Variants in GJA10 observed in about 807,000 individuals in gnomAD.
The protein encoded by GJA10 is gap junction alpha-10 protein.
For missense variants in GJA10, 685 were observed against 651.9 expected (o/e 1.05, Z -0.55); for synonymous variants, 239 against 233.0 (o/e 1.03, Z -0.23).
Position 89,895,184 on chromosome 6 carries a change from T to A in GJA10, c.716T>A (p.Met239Lys). The A allele has an allele frequency of 6.2e-6, 10 of 1,614,158 alleles. No homozygotes were observed. Among genetic ancestry groups the A allele is most frequent in the Non-Finnish European group, 8.5e-6 (10 of 1,180,030 alleles). ...EIFHLGIRKI[M>K]RTLYKKSSSE... ...TTTCATCTAGGCATCAGAAAAATTA[T>A]GAGGACACTTTATAAGAAATCCAGC... The change falls in exon 1 of 1, where the codon ATG (methionine) becomes AAG (lysine). Residue 239 changes from methionine (M) to lysine (K), a missense_variant. Physicochemically the swap from Met to Lys is moderately conservative, Grantham distance 95. Coordinates refer to ENST00000369352, the MANE Select transcript of GJA10 (RefSeq NM_032602.2).
chr6:89,896,009 T>A lies in GJA10; in HGVS notation c.1541T>A (p.Val514Asp), dbSNP rs769028232. 4.4e-5 allele frequency: 71 copies of A among 1,613,468 alleles called. No homozygotes were observed. The highest frequency in any genetic ancestry group is 5.8e-5 in the Non-Finnish European group (68 of 1,179,420). Residue 514 changes from valine (V) to aspartate (D), a missense_variant, in exon 1 of 1, where the codon GTT becomes GAT. Coordinates refer to ENST00000369352, the MANE Select transcript of GJA10 (RefSeq NM_032602.2). ...PFFLPGVCMY[V>D]CVDREADGGG... is the part of the protein sequence containing the mutation. ...TTTCTTCCTGGGGTGTGTATGTATG[T>A]TTGTGTTGACAGAGAGGCAGATGGA... is the stretch of plus-strand genomic sequence containing the variant.
rs868178360 is a variant in GJA10, at chr6:89,894,552, C to T, written c.84C>T (p.Ile28=). The part of the protein sequence containing the change: ...STIVGKIWLT[I]LFIFRMLVLR... ...TAGTGGGGAAAATCTGGCTGACCAT[C>T]CTCTTCATCTTCCGAATGCTGGTAC... The change falls in exon 1 of 1, where the codon ATC becomes ATT. Residue 28 remains isoleucine, a synonymous_variant. Coordinates refer to ENST00000369352, the MANE Select transcript of GJA10 (RefSeq NM_032602.2). The T allele has an allele frequency of 6.2e-7, 1 of 1,614,212 alleles. No individual in the cohort carries two copies. Among genetic ancestry groups the T allele is most frequent in the Non-Finnish European group, 8.5e-7 (1 of 1,180,048 alleles).
chr6:89,895,182 T>G lies in GJA10; in HGVS notation c.714T>G (p.Ile238Met). 6.2e-7 allele frequency: 1 copy of G among 1,614,060 alleles called. No homozygotes were observed. The highest frequency in any genetic ancestry group is 8.5e-7 in the Non-Finnish European group (1 of 1,180,022). ...LEIFHLGIRKIMRTLYKKSSS... is the reference protein window; with the variant it reads ...LEIFHLGIRKMMRTLYKKSSS... ...TATTTCATCTAGGCATCAGAAAAAT[T>G]ATGAGGACACTTTATAAGAAATCCA... The change falls in exon 1 of 1, where the codon ATT becomes ATG. Residue 238 changes from isoleucine to methionine, a missense_variant. By Grantham distance (10) the Ile-to-Met change is conservative (BLOSUM62 1). Coordinates refer to ENST00000369352, the MANE Select transcript of GJA10 (RefSeq NM_032602.2).
rs1771727446 is a variant in GJA10, at chr6:89,895,119, CA to C, written c.652del (p.Ile218LeufsTer16). ...CAATTTTCATGCTTTTTATGCACAG[CA>C]TTGCAGCCATTTCCTTGTTACTCAA... On this transcript the variant is annotated frameshift_variant, in exon 1 of 2. Coordinates refer to the GJA10 transcript ENST00000638915. LOFTEE classifies it high-confidence loss of function. 1.2e-6 allele frequency: 2 copies of C among 1,614,152 alleles called. No individual in the cohort carries two copies. Among genetic ancestry groups the C allele is most frequent in the Non-Finnish European group, 1.7e-6 (2 of 1,180,034 alleles).
chr6:89,895,479 G>A lies in GJA10; in HGVS notation c.1011G>A (p.Pro337=). The change falls in exon 1 of 1, where the codon CCG becomes CCA. Residue 337 remains proline (P), a synonymous_variant. Transcript: ENST00000369352. ...QHSGQLHVHS[P]CPWAGSAGNQ... ...GCGGACAGCTCCATGTTCACAGCCCGTGTCCCTGGGCTGGCAGTGCTGGAA... is the reference window on the plus strand; with the variant it reads ...GCGGACAGCTCCATGTTCACAGCCCATGTCCCTGGGCTGGCAGTGCTGGAA... 4.3e-6 allele frequency: 7 copies of A among 1,614,188 alleles called. No homozygotes were observed. Among genetic ancestry groups the A allele is most frequent in the Non-Finnish European group, 5.9e-6 (7 of 1,180,036 alleles).
In GJA10 at chr6:89,895,680, T is replaced by C. The variant is rs768435071; in HGVS notation, c.1212T>C (p.Ser404=). Residue 404 remains serine, a synonymous_variant, in exon 1 of 1, where the codon AGT becomes AGC. Coordinates refer to ENST00000369352, the MANE Select transcript of GJA10 (RefSeq NM_032602.2). ...PSGEPLTDLH[S]HCRDSEGSMR... ...GTGAGCCTCTCACAGATCTTCATAG[T>C]CACTGCAGAGACAGTGAAGGCAGCA... 6.2e-7 allele frequency: 1 copy of C among 1,614,190 alleles called. No individual in the cohort carries two copies. The highest frequency in any genetic ancestry group is 1.1e-5 in the South Asian group (1 of 91,080).
At position 89,895,857 on chromosome 6, in the gene GJA10, G is replaced by A. The variant is rs1449136877; in HGVS notation, c.1389G>A (p.Trp463Ter). The stretch of plus-strand genomic sequence containing the variant: ...GCTCCTGCTTGGATTTTCCTCACTG[G>A]GAAAACAGCCCCTCACCTCTGCCTT... The change falls in exon 1 of 2, where the codon TGG becomes TGA. Residue 463 changes from tryptophan to a stop codon, truncating the protein, a stop_gained. Transcript: ENST00000638915. LOFTEE classifies it high-confidence loss of function. The A allele has an allele frequency of 1.9e-6, 3 of 1,614,126 alleles. No homozygotes were observed. Among genetic ancestry groups the A allele is most frequent in the Admixed American group, 1.7e-5 (1 of 60,016 alleles).
rs561069836 is a variant in GJA10, at chr6:89,895,927, C to T, written c.1459C>T (p.Pro487Ser). The change falls in exon 1 of 1, where the codon CCG (proline) becomes TCG (serine). Residue 487 changes from proline to serine, a missense_variant. Physicochemically the swap from Pro to Ser is moderately conservative, Grantham distance 74. Coordinates refer to ENST00000369352, the MANE Select transcript of GJA10 (RefSeq NM_032602.2). Reference protein sequence around the residue: ...RTSMVRQAALPIMELSQELFH... With the variant: ...RTSMVRQAALSIMELSQELFH... ...ATCAATGGTAAGACAGGCAGCCCTA[C>T]CGATCATGGAACTATCACAAGAGCT... 4 of 1,614,190 alleles carry T rather than the reference C, an allele frequency of 2.5e-6. No homozygotes were observed. The highest frequency in any genetic ancestry group is 4.5e-5 in the East Asian group (2 of 44,880).
Position 89,895,582 on chromosome 6 carries a change from A to C in GJA10, c.1114A>C (p.Thr372Pro). Residue 372 changes from threonine (T) to proline (P), a missense_variant, in exon 1 of 1, where the codon ACT (threonine) becomes CCT (proline). Physicochemically the swap from Thr to Pro is conservative, Grantham distance 38. Coordinates refer to ENST00000369352, the MANE Select transcript of GJA10 (RefSeq NM_032602.2). ...NTMSQSWLGT[T>P]TAPRNCPSFA... Reference sequence around the variant, plus strand: ...AATGTCTCAGTCCTGGCTAGGTACAACTACGGCTCCTAGAAACTGTCCATC... The same window carrying C: ...AATGTCTCAGTCCTGGCTAGGTACACCTACGGCTCCTAGAAACTGTCCATC... The C allele has an allele frequency of 6.2e-7, 1 of 1,614,188 alleles. No homozygotes were observed. The highest frequency in any genetic ancestry group is 8.5e-7 in the Non-Finnish European group (1 of 1,180,034).
rs1237067379 is a variant in GJA10 at position 89,895,353 on chromosome 6, T to G, written c.885T>G (p.Asn295Lys). ...ANNQQQVIRVNVPKSKTMWQI... is the reference protein window; with the variant it reads ...ANNQQQVIRVKVPKSKTMWQI... ...ATCAACAGCAAGTCATTCGAGTTAA[T>G]GTGCCAAAGTCTAAAACCATGTGGC... Residue 295 changes from asparagine (N) to lysine (K), a missense_variant, in exon 1 of 1, where the codon AAT (asparagine) becomes AAG (lysine). Physicochemically the swap from Asn to Lys is moderately conservative, Grantham distance 94. Coordinates refer to ENST00000369352, the MANE Select transcript of GJA10 (RefSeq NM_032602.2). 1.2e-6 allele frequency: 2 copies of G among 1,614,218 alleles called. No individual in the cohort carries two copies. Among genetic ancestry groups the G allele is most frequent in the East Asian group, 2.2e-5 (1 of 44,886 alleles).
rs143351223 is a variant in GJA10 at position 89,895,455 on chromosome 6, C to T, written c.987C>T (p.Ser329=). Residue 329 remains serine, a synonymous_variant, in exon 1 of 1, where the codon AGC becomes AGT. Coordinates refer to ENST00000369352, the MANE Select transcript of GJA10 (RefSeq NM_032602.2). The part of the protein sequence containing the change: ...KKDWSEKDQH[S]GQLHVHSPCP... ...ACTGGTCTGAGAAGGATCAGCATAG[C>T]GGACAGCTCCATGTTCACAGCCCGT... 21 of 1,614,192 alleles carry T rather than the reference C, an allele frequency of 1.3e-5. No homozygotes were observed. The highest frequency in any genetic ancestry group is 3.3e-5 in the Admixed American group (2 of 60,018).
In GJA10 at chr6:89,895,929, G is replaced by C. The variant is rs773383390; in HGVS notation, c.1461G>C (p.Pro487=). 6.2e-7 allele frequency: 1 copy of C among 1,614,054 alleles called. No homozygotes were observed. The highest frequency in any genetic ancestry group is 1.3e-5 in the African/African-American group (1 of 74,920). Residue 487 remains proline, a synonymous_variant, in exon 1 of 1, where the codon CCG becomes CCC. Transcript: ENST00000369352. ...RTSMVRQAAL[P]IMELSQELFH... ...CAATGGTAAGACAGGCAGCCCTACC[G>C]ATCATGGAACTATCACAAGAGCTGT...
In GJA10 at chr6:89,895,098, T is replaced by A; in HGVS notation, c.630T>A (p.Ile210=). Residue 210 remains isoleucine (I), a synonymous_variant, in exon 1 of 1, where the codon ATT becomes ATA. Coordinates refer to ENST00000369352, the MANE Select transcript of GJA10 (RefSeq NM_032602.2). ...CFVSRPTEKT[I]FMLFMHSIAA... is the part of the protein sequence containing the mutation. ...TATCCAGGCCCACTGAGAAGACAATTTTCATGCTTTTTATGCACAGCATTG... is the reference window on the plus strand; with the variant it reads ...TATCCAGGCCCACTGAGAAGACAATATTCATGCTTTTTATGCACAGCATTG... The A allele has an allele frequency of 6.2e-7, 1 of 1,614,152 alleles. No individual in the cohort carries two copies. The highest frequency in any genetic ancestry group is 8.5e-7 in the Non-Finnish European group (1 of 1,180,010).
intron 1 of GJA10, chr6:89,896,007 T>G: frequency 6.2e-7 from 1 of 1,613,772 alleles, no homozygotes; most frequent in Non-Finnish European, 8.5e-7. Flanking sequence ...TGTGTATGTA[T>G]GTTTGTGTTG....
In GJA10 at chr6:89,894,867, G is replaced by A; in HGVS notation, c.399G>A (p.Arg133=). 6.2e-7 allele frequency: 1 copy of A among 1,614,164 alleles called. No homozygotes were observed. The highest frequency in any genetic ancestry group is 8.5e-7 in the Non-Finnish European group (1 of 1,180,028). ...TGGAGGAGCAGCAAAGAATAGATAG[G>A]GAACTGAGGAGGTTAGAGGAGCAGA... ...LDLEEQQRID[R]ELRRLEEQKR... is the part of the protein sequence containing the mutation. The change falls in exon 1 of 1, where the codon AGG becomes AGA. Residue 133 remains arginine (R), a synonymous_variant. Coordinates refer to ENST00000369352, the MANE Select transcript of GJA10 (RefSeq NM_032602.2).
In GJA10 at chr6:89,896,078, A is replaced by G; in HGVS notation, c.1610A>G (p.His537Arg). The G allele has an allele frequency of 6.3e-7, 1 of 1,582,082 alleles. No individual in the cohort carries two copies. The highest frequency in any genetic ancestry group is 8.6e-7 in the Non-Finnish European group (1 of 1,161,582). Reference sequence around the variant, plus strand: ...AGAGATAAAATTATTCATTCGATACATTCAGTTAAATTCAATTCATAAAAT... The same window carrying G: ...AGAGATAAAATTATTCATTCGATACGTTCAGTTAAATTCAATTCATAAAAT... ...LWRDKIIHSI[H>R]SVKFNS Residue 537 changes from histidine to arginine, a missense_variant, in exon 1 of 1, where the codon CAT (histidine) becomes CGT (arginine). By Grantham distance (29) the His-to-Arg change is conservative (BLOSUM62 0). Coordinates refer to ENST00000369352, the MANE Select transcript of GJA10 (RefSeq NM_032602.2).
chr6:89,896,106 ACTTAG>A lies in GJA10; in HGVS notation c.*7_*11del. On this transcript the variant is annotated 3_prime_UTR_variant, in exon 1 of 1. Coordinates refer to ENST00000369352, the MANE Select transcript of GJA10 (RefSeq NM_032602.2). ...CAGTTAAATTCAATTCATAAAATAG[ACTTAG>A]AAAAATCTTATTATATCAATCGCTC... The A allele has an allele frequency of 2.6e-6, 4 of 1,553,622 alleles. No individual in the cohort carries two copies. The highest frequency in any genetic ancestry group is 3.5e-6 in the Non-Finnish European group (4 of 1,147,376).
Position 89,895,105 on chromosome 6 carries a change from C to G in GJA10, c.637C>G (p.Leu213Val), listed in dbSNP as rs767692113. 1.1e-5 allele frequency: 17 copies of G among 1,614,116 alleles called. No individual in the cohort carries two copies. Among genetic ancestry groups the G allele is most frequent in the Non-Finnish European group, 1.4e-5 (17 of 1,180,024 alleles). Reference protein sequence around the residue: ...SRPTEKTIFMLFMHSIAAISL... With the variant: ...SRPTEKTIFMVFMHSIAAISL... The stretch of plus-strand genomic sequence containing the variant: ...GCCCACTGAGAAGACAATTTTCATG[C>G]TTTTTATGCACAGCATTGCAGCCAT... The change falls in exon 1 of 1, where the codon CTT becomes GTT. Residue 213 changes from leucine (L) to valine (V), a missense_variant. Transcript: ENST00000369352.
In GJA10 at chr6:89,895,272, G is replaced by A. The variant is rs775669571; in HGVS notation, c.804G>A (p.Gln268=). The change falls in exon 1 of 1, where the codon CAG becomes CAA. Residue 268 remains glutamine (Q), a synonymous_variant. Transcript: ENST00000369352. The part of the protein sequence containing the change: ...PFHLKKYSVA[Q]QCMICSSLPE... ...ATTTGAAGAAATATTCTGTGGCCCA[G>A]CAGTGTATGATTTGCTCTTCATTGC... The A allele has an allele frequency of 1.9e-6, 3 of 1,614,128 alleles. No homozygotes were observed. The highest frequency in any genetic ancestry group is 2.5e-6 in the Non-Finnish European group (3 of 1,180,024).
Sources: allele counts gnomAD v4.1 joint callset, GRCh38; gene constraint gnomAD v4.1.1; transcripts MANE v1.5; gene names NCBI Gene and HGNC (gene_info 2026-07-23, HGNC 2026-07-21).